Variants in ICA1L observed in about 807,000 individuals in gnomAD.
The protein encoded by ICA1L is islet cell autoantigen 1-like protein.
In ICA1L, 50 loss-of-function variants were observed where a neutral mutation model predicts 61.3. That is an observed-to-expected ratio of 0.82 (90% CI 0.65 to 1.03). The LOEUF is 1.03. ICA1L is among the 50% of genes least tolerant of loss of function. ICA1L has a pLI of 0.00. For missense variants in ICA1L, 508 were observed against 556.7 expected (o/e 0.91, Z 0.88); for synonymous variants, 161 against 191.3 (o/e 0.84, Z 1.31).
At chr2:202,848,968 T>C (rs1694539435) in intron 1 of ICA1L, among the ~76,000 whole-genome samples, 1 of 151,936 alleles carries the variant, frequency 6.6e-6, no homozygotes, top group Non-Finnish European at 1.5e-5. Flanking sequence ...GGTTAGGCAG[T>C]GGGTACAGCC....
chr2:202,840,890 C>T (rs1694309020), intron 1 of ICA1L: 11 of 677,432 alleles, frequency 1.6e-5, no homozygotes, highest in South Asian at 1.6e-4. Flanking sequence ...GCAGGTCATC[C>T]CCGTGCTTCC....
At chr2:202,869,280 C>G (rs931304398) in intron 1 of ICA1L, among the ~76,000 whole-genome samples, 1 of 152,108 alleles carries the variant, frequency 6.6e-6, no homozygotes, top group African/African-American at 2.4e-5. Context: ...ATGGCGTGAA[C>G]CCGGGAGGCG....
intron 1 of ICA1L, among the ~76,000 whole-genome samples, chr2:202,869,770 G>A (rs990666018): frequency 1.3e-5 from 2 of 151,926 alleles, no homozygotes; most frequent in African/African-American, 4.8e-5. Context: ...AAACCCTAGT[G>A]TTACATGCAA....
intron 1 of ICA1L, among the ~76,000 whole-genome samples, chr2:202,842,464 A>G (rs912335340): frequency 5.3e-5 from 8 of 152,184 alleles, no homozygotes; most frequent in African/African-American, 1.9e-4. Context: ...CCTTCAGCAC[A>G]TGGAATTTAT....
chr2:202,794,512 C>T (rs1692857060), intron 10 of ICA1L, among the ~76,000 whole-genome samples: 1 of 152,008 alleles, frequency 6.6e-6, no homozygotes, highest in Non-Finnish European at 1.5e-5. Flanking sequence ...ACGTTCACTA[C>T]TAGTTAACAT....
rs529736593 is a variant in ICA1L, at chr2:202,792,224, A to G, written c.986-3137T>C. On this transcript the variant is annotated intron_variant, in intron 10 of 12. Coordinates refer to ENST00000358299, the MANE Select transcript of ICA1L (RefSeq NM_001288622.3). ...ATGTTGGCAAAGATGTGGAGAAACT[A>G]GAACCCTCACACTTTGCTGGTGGAA... Among the ~76,000 whole-genome samples the G allele has an allele frequency of 2.6e-5, 4 of 152,326 alleles. No individual in the cohort carries two copies. In the East Asian group the frequency reaches 5.8e-4, roughly 22 times the overall value.
In ICA1L at chr2:202,779,639, T is replaced by C. The variant is rs200807604; in HGVS notation, c.1343A>G (p.Asn448Ser). 2.7e-4 allele frequency: 428 copies of C among 1,604,596 alleles called. 5 individuals carry two copies. In the South Asian group the frequency reaches 4.4e-3, roughly 17 times the overall value. The part of the protein sequence containing the change: ...SPKKLTRSPN[N>S]GNQDMSAWFN... ...CCAGGCTGACATGTCTTGGTTGCCA[T>C]TGTTGGGGGCTATTAAAAAAGAAAA... Residue 448 changes from asparagine (N) to serine (S), a missense_variant, in exon 13 of 13, where the codon AAT becomes AGT. By Grantham distance (46) the Asn-to-Ser change is conservative. Transcript: ENST00000358299.
intron 1 of ICA1L, among the ~76,000 whole-genome samples, chr2:202,855,049 CTGGGCAAATAA>C (rs562520951): frequency 1.7e-3 from 255 of 152,264 alleles, no homozygotes; most frequent in African/African-American, 6.0e-3. Flanking sequence ...TGAACGACTA[CTGGGCAAATAA>C]TGAAATTAGA....
chr2:202,848,333 A>C (rs1000085303), intron 1 of ICA1L, among the ~76,000 whole-genome samples: 2 of 152,174 alleles, frequency 1.3e-5, no homozygotes, highest in African/African-American at 4.8e-5. Context: ...TTACCTATAA[A>C]AACAGCAATT....
chr2:202,860,292 AATAATG>A (rs3050869), intron 1 of ICA1L: 54,442 of 143,986 alleles, frequency 0.38, 11,918 homozygotes, highest in Middle Eastern at 0.63. Flanking sequence ...TAATAATAAT[AATAATG>A]ATAATAATAA....
chr2:202,806,699 T>A (rs924101055), intron 9 of ICA1L, among the ~76,000 whole-genome samples: 10 of 152,082 alleles, frequency 6.6e-5, no homozygotes, highest in Admixed American at 2.6e-4. Context: ...TTTCTTTTAT[T>A]TATTGGTCAC....
At chr2:202,783,374 G>C (rs1325145154) in intron 12 of ICA1L, among the ~76,000 whole-genome samples, 1 of 152,162 alleles carries the variant, frequency 6.6e-6, no homozygotes, top group Non-Finnish European at 1.5e-5. Context: ...CAAGTGATCA[G>C]GCTTAACATC....
rs1268030475 is a variant in ICA1L, at chr2:202,804,454, A to G, written c.910+7292T>C. 3.3e-5 allele frequency among the ~76,000 whole-genome samples: 5 copies of G among 152,214 alleles called. 1 individual carries two copies. Among genetic ancestry groups the G allele is most frequent in the Non-Finnish European group, 7.3e-5 (5 of 68,036 alleles). The stretch of plus-strand genomic sequence containing the variant: ...AAAATTGTCTTACTAAGAAAATTAA[A>G]TTTATGTTCAAATGCTGTTTCTTTG... On this transcript the variant is annotated intron_variant, in intron 9 of 12. Transcript: ENST00000358299.
chr2:202,857,091 A>G (rs1249597842), intron 1 of ICA1L, among the ~76,000 whole-genome samples: 1 of 152,222 alleles, frequency 6.6e-6, no homozygotes, highest in Non-Finnish European at 1.5e-5. Flanking sequence ...TATTCCCATC[A>G]AGCTACCATT....
intron 1 of ICA1L, chr2:202,860,128 T>A (rs1694871891): frequency 6.6e-6 from 1 of 151,848 alleles, no homozygotes; most frequent in Admixed American, 6.6e-5. Flanking sequence ...TTAAATTTAC[T>A]GTGTGTGGTG....
chr2:202,788,834 G>A lies in ICA1L; in HGVS notation c.1239C>T (p.Phe413=). ...AAATGTTTCATAGACACTTACTGTTGAACGCTCCAGCCACATGAAAGCCAA... is the reference window on the plus strand; with the variant it reads ...AAATGTTTCATAGACACTTACTGTTAAACGCTCCAGCCACATGAAAGCCAA... ...FDLGFHVAGA[F]NNWVSQEESE... is the part of the protein sequence containing the mutation. Residue 413 remains phenylalanine, a synonymous_variant, in exon 11 of 13, where the codon TTC becomes TTT. Coordinates refer to ENST00000358299, the MANE Select transcript of ICA1L (RefSeq NM_001288622.3). 1 of 1,613,902 alleles carries A rather than the reference G, an allele frequency of 6.2e-7. No homozygotes were observed. The highest frequency in any genetic ancestry group is 1.1e-5 in the South Asian group (1 of 90,998).
rs537255430 is a variant in ICA1L, at chr2:202,774,526, T to C, written c.*5007A>G. The C allele has an allele frequency of 9.7e-6, 4 of 413,844 alleles. No homozygotes were observed. The highest frequency in any genetic ancestry group is 1.7e-5 in the Non-Finnish European group (4 of 235,122). 25.6% of individuals were successfully genotyped at this position (413,844 alleles called of 1,614,324 possible). A position where few individuals can be genotyped will look rare whatever the true frequency, so the allele number is the denominator to read the frequency against. On this transcript the variant is annotated 3_prime_UTR_variant, in exon 13 of 13. Coordinates refer to ENST00000358299, the MANE Select transcript of ICA1L (RefSeq NM_001288622.3). ...CAGTGAGGTTTAGCCACAAGAGATA[T>C]CACAGGAGAGACACAGGAAAAAAAG...
At chr2:202,864,257 T>TC (rs1249162750) in intron 1 of ICA1L, among the ~76,000 whole-genome samples, 1 of 152,072 alleles carries the variant, frequency 6.6e-6, no homozygotes, top group Non-Finnish European at 1.5e-5. Context: ...ATTTTTTTTT[T>TC]TTTCGAGACG....
intron 1 of ICA1L, among the ~76,000 whole-genome samples, chr2:202,853,083 G>A (rs1034854480): frequency 6.6e-6 from 1 of 152,044 alleles, no homozygotes; most frequent in South Asian, 2.1e-4. Flanking sequence ...ATGTGGCTGG[G>A]CGCGGTGGCT....
Sources: allele counts gnomAD v4.1 joint callset (sites outside exome capture counted in the v4.1 genomes callset), GRCh38; gene constraint gnomAD v4.1.1; transcripts MANE v1.5; gene names NCBI Gene and HGNC (gene_info 2026-07-23, HGNC 2026-07-21).